VPS13D: variants seen among roughly 807,000 people sequenced by gnomAD.
The protein encoded by VPS13D is vacuolar protein sorting 13 homolog D.
In VPS13D, 187 loss-of-function variants were observed where a neutral mutation model predicts 461.9. That is an observed-to-expected ratio of 0.40 (90% confidence interval 0.36 to 0.46). The LOEUF (loss-of-function observed/expected upper bound fraction) is 0.46. Among genes scored for constraint, VPS13D ranks in the 20% least tolerant of loss-of-function variants. The probability of loss-of-function intolerance (pLI) is 0.60; values close to 1 mark genes in which losing one functional copy is unlikely to be tolerated. For synonymous variants in VPS13D, 1,951 were observed against 1,986.3 expected, an observed-to-expected ratio of 0.98 and a Z score of 0.47; for missense variants, 4,711 against 5,364.9, an observed-to-expected ratio of 0.88 and a Z score of 3.81.
intron 44 of VPS13D, among the ~76,000 whole-genome samples, chr1:12,347,987 C>T (rs1455324000): frequency 6.6e-6 from 1 of 152,164 alleles, no homozygotes; most frequent in Non-Finnish European, 1.5e-5. Context: ...GTTTCTGAAC[C>T]TTGGTGTCCT....
intron 63 of VPS13D, among the ~76,000 whole-genome samples, chr1:12,410,703 C>T (rs1644715548): frequency 6.6e-6 from 1 of 152,042 alleles, no homozygotes; most frequent in Non-Finnish European, 1.5e-5. Context: ...AGCACTTTTT[C>T]ATGAATATAG....
At chr1:12,455,902 C>G (rs1645320228) in intron 65 of VPS13D, 96 bp from the exon 66 acceptor site, 5 of 1,422,480 alleles carry the variant, frequency 3.5e-6, no homozygotes, top group Non-Finnish European at 4.6e-6. Flanking sequence ...ATGGGCTTAT[C>G]TAATTGTATT....
At chr1:12,423,174 C>G (rs1188719850) in intron 65 of VPS13D, among the ~76,000 whole-genome samples, 1 of 152,166 alleles carries the variant, frequency 6.6e-6, no homozygotes, top group East Asian at 1.9e-4. Flanking sequence ...ATTACCTGGT[C>G]AGTAGCTAGA....
intron 7 of VPS13D, among the ~76,000 whole-genome samples, chr1:12,255,629 C>T (rs908105425): frequency 3.3e-5 from 5 of 151,350 alleles, no homozygotes; most frequent in Admixed American, 2.6e-4. Context: ...CGTGGTGGCT[C>T]ACGCCTGTAA....
intron 60 of VPS13D, among the ~76,000 whole-genome samples, chr1:12,390,268 A>G (rs1644407254): frequency 6.6e-6 from 1 of 152,098 alleles, no homozygotes; most frequent in African/African-American, 2.4e-5. Context: ...AGTACCATAT[A>G]TTGGATGCTG....
chr1:12,453,045 C>T (rs957160245), intron 65 of VPS13D, among the ~76,000 whole-genome samples: 6 of 152,158 alleles, frequency 3.9e-5, no homozygotes, highest in Non-Finnish European at 5.9e-5. Context: ...GAAGAGTGAT[C>T]TCTTAGGTCA....
chr1:12,244,226 G>T lies in VPS13D; in HGVS notation c.176-20G>T. On this transcript the variant is annotated intron_variant, in intron 3 of 69. Coordinates refer to ENST00000620676, the MANE Select transcript of VPS13D (RefSeq NM_015378.4). ...AAAAATGTGTACAGATGGTGAACAA[G>T]ACTTTCCTTCTCCTTCCAGGCTTCA... 1 of 1,596,228 alleles carries T rather than the reference G, an allele frequency of 6.3e-7. No individual in the cohort carries two copies. Among genetic ancestry groups the T allele is most frequent in the Non-Finnish European group, 8.5e-7 (1 of 1,173,478 alleles).
chr1:12,331,662 A>G (rs1643335440), intron 37 of VPS13D, among the ~76,000 whole-genome samples: 1 of 150,776 alleles, frequency 6.6e-6, no homozygotes. Context: ...CAGTGAGCCA[A>G]GATCGTGCCA....
chr1:12,331,770 C>T (rs971126535), intron 37 of VPS13D, among the ~76,000 whole-genome samples: 5 of 143,886 alleles, frequency 3.5e-5, no homozygotes, highest in African/African-American at 1.3e-4. Context: ...TTGAGAGAAA[C>T]TCTTGCATGT....
chr1:12,480,434 C>G (rs769083191), intron 67 of VPS13D, among the ~76,000 whole-genome samples: 4 of 152,178 alleles, frequency 2.6e-5, no homozygotes, highest in Non-Finnish European at 4.4e-5. Flanking sequence ...GACTAAATGG[C>G]TGGCCAACCC....
intron 65 of VPS13D, among the ~76,000 whole-genome samples, chr1:12,433,969 TG>T (rs755308952): frequency 0.017 from 2,512 of 146,620 alleles, 23 homozygotes; most frequent in Non-Finnish European, 0.029. Flanking sequence ...TGTGTGTGTG[TG>T]GAGGAGGAGG....
At chr1:12,316,134 G>A (rs1024220541) in intron 30 of VPS13D, among the ~76,000 whole-genome samples, 1 of 152,098 alleles carries the variant, frequency 6.6e-6, no homozygotes, top group Non-Finnish European at 1.5e-5. Context: ...TTCTTTTTGA[G>A]TTTACTTTAT....
intron 44 of VPS13D, among the ~76,000 whole-genome samples, chr1:12,347,640 A>G (rs1273141366): frequency 6.6e-6 from 1 of 152,206 alleles, no homozygotes; most frequent in African/African-American, 2.4e-5. Context: ...GTCTTGGTTC[A>G]AAACATGGAG....
chr1:12,491,610 G>T (rs964821735), intron 67 of VPS13D, among the ~76,000 whole-genome samples: 8 of 152,080 alleles, frequency 5.3e-5, no homozygotes, highest in African/African-American at 1.9e-4. Context: ...TGGGCCTCCG[G>T]TGTATATCAG....
intron 44 of VPS13D, 46 bp from the exon 45 acceptor site, chr1:12,348,777 G>GT: frequency 6.2e-7 from 1 of 1,604,808 alleles, no homozygotes; most frequent in Non-Finnish European, 8.5e-7. Flanking sequence ...TATTTTATAT[G>GT]TTTTTTCAGA....
Position 12,262,099 on chromosome 1 carries a change from A to T in VPS13D, c.1594+19A>T, listed in dbSNP as rs201465353. 1 of 1,585,876 alleles carries T rather than the reference A, an allele frequency of 6.3e-7. No homozygotes were observed. Among genetic ancestry groups the T allele is most frequent in the Non-Finnish European group, 8.6e-7 (1 of 1,162,754 alleles). Reference sequence around the variant, plus strand: ...TTTTCAGGTACACTGCCCCCAAGAAACTACCTGCCACTGTTGTCTCTCTGT... The same window carrying T: ...TTTTCAGGTACACTGCCCCCAAGAATCTACCTGCCACTGTTGTCTCTCTGT... On this transcript the variant is annotated intron_variant, in intron 13 of 69. Coordinates refer to ENST00000620676, the MANE Select transcript of VPS13D (RefSeq NM_015378.4).
intron 67 of VPS13D, chr1:12,478,412 A>T (rs1645664660): frequency 6.0e-6 from 1 of 165,572 alleles, no homozygotes; most frequent in African/African-American, 2.4e-5. Flanking sequence ...GTCTGGCCCA[A>T]TGCCAGGCCC....
At chr1:12,334,633 CG>C (rs1487937906) in intron 38 of VPS13D, among the ~76,000 whole-genome samples, 1 of 152,194 alleles carries the variant, frequency 6.6e-6, no homozygotes, top group Non-Finnish European at 1.5e-5. Flanking sequence ...GGCATAGTGG[CG>C]TGTGCCTGTA....
chr1:12,449,782 A>G (rs1259115039), intron 65 of VPS13D, among the ~76,000 whole-genome samples: 1 of 152,198 alleles, frequency 6.6e-6, no homozygotes, highest in Admixed American at 6.5e-5. Context: ...GTGTTGGCCA[A>G]ATGCTACACC....
Sources: gnomAD v4.1 joint callset for allele counts (sites outside exome capture counted in the v4.1 genomes callset) on GRCh38, gnomAD v4.1.1 for gene constraint, MANE v1.5 for transcripts, NCBI Gene and HGNC (gene_info 2026-07-23, HGNC 2026-07-21) for gene names.